WWC2: variants seen among roughly 807,000 people sequenced by gnomAD.
WWC2 encodes WW and C2 domain containing 2.
A neutral mutation model predicts 138.5 loss-of-function variants in WWC2; 101 were observed. That is an observed-to-expected ratio of 0.73 (90% CI 0.62 to 0.86). The LOEUF (loss-of-function observed/expected upper bound fraction) is 0.86, where lower values mean the gene tolerates loss of function less well. Among genes scored for constraint, WWC2 ranks in the 40% least tolerant of loss-of-function variants. The pLI is 0.00. For missense variants in WWC2, 1,420 were observed against 1,419.4 expected (o/e 1.00, Z -0.01); for synonymous variants, 558 against 538.4 (o/e 1.04, Z -0.50).
intron 1 of WWC2, among the ~76,000 whole-genome samples, chr4:183,141,332 T>C (rs1331728298): frequency 6.6e-6 from 1 of 152,138 alleles, no homozygotes; most frequent in African/African-American, 2.4e-5. Flanking sequence ...GGGGAGAGCG[T>C]CAGTTCTCCC....
At position 183,312,443 on chromosome 4, in the gene WWC2, G is replaced by T. The variant is rs763167733; in HGVS notation, c.3487G>T (p.Val1163Leu). The change falls in exon 22 of 23, where the codon GTG becomes TTG. Residue 1163 changes from valine to leucine, a missense_variant. Transcript: ENST00000403733. ...VCRLREQSQK[V>L]PRQVQSFREK... ...TCGGCTCCGGGAGCAGAGCCAGAAG[G>T]TGCCTCGGCAGGTGCAGTCCTTCAG... 8.7e-6 allele frequency: 14 copies of T among 1,613,832 alleles called. No individual in the cohort carries two copies. The South Asian group carries it at 1.5e-4, about 18-fold the overall frequency.
intron 21 of WWC2, among the ~76,000 whole-genome samples, chr4:183,305,791 A>G (rs138783986): frequency 3.9e-5 from 6 of 152,336 alleles, no homozygotes; most frequent in African/African-American, 1.4e-4. Context: ...GGAAAATGAT[A>G]TGTTAGCAAC....
chr4:183,171,849 GTTGAGGATTCAGC>G (rs999262425), intron 1 of WWC2, among the ~76,000 whole-genome samples: 4 of 152,180 alleles, frequency 2.6e-5, no homozygotes, highest in African/African-American at 9.7e-5. Context: ...TCCCGCCCTG[GTTGAGGATTCAGC>G]TTTCTTACTG....
intron 4 of WWC2, among the ~76,000 whole-genome samples, chr4:183,226,606 T>C (rs1212832144): frequency 6.6e-6 from 1 of 151,910 alleles, no homozygotes; most frequent in African/African-American, 2.4e-5. Context: ...CAATAATTAA[T>C]GAAAATTTTA....
chr4:183,257,137 G>A lies in WWC2; in HGVS notation c.1197-2502G>A, dbSNP rs1737177570. ...TAAACTCTGTGCTTTCCTATAGCTG[G>A]TAAGATCTTAACATTGCTCCTTGTT... On this transcript the variant is annotated intron_variant, in intron 9 of 22. Coordinates refer to ENST00000403733, the MANE Select transcript of WWC2 (RefSeq NM_024949.6). Among the ~76,000 whole-genome samples, 3 of 152,240 alleles carry A rather than the reference G, an allele frequency of 2.0e-5. 1 individual carries two copies. The South Asian group carries it at 6.2e-4, about 32-fold the overall frequency.
chr4:183,176,208 T>C (rs1428184043), intron 1 of WWC2, among the ~76,000 whole-genome samples: 2 of 152,214 alleles, frequency 1.3e-5, no homozygotes, highest in Non-Finnish European at 2.9e-5. Flanking sequence ...CCATGTAAGC[T>C]ATAAAAATTC....
chr4:183,145,641 GGAA>G (rs1244858205), intron 1 of WWC2, among the ~76,000 whole-genome samples: 4 of 152,134 alleles, frequency 2.6e-5, no homozygotes, highest in African/African-American at 4.8e-5. Context: ...AAATGCATAA[GGAA>G]GAAGAACTGT....
intron 1 of WWC2, among the ~76,000 whole-genome samples, chr4:183,108,236 G>A (rs1732105357): frequency 6.6e-6 from 1 of 152,030 alleles, no homozygotes; most frequent in Admixed American, 6.6e-5. Context: ...GACAAGCGCT[G>A]CCTCCATCAG....
intron 1 of WWC2, among the ~76,000 whole-genome samples, chr4:183,168,922 C>T (rs538296003): frequency 3.5e-4 from 53 of 152,122 alleles, no homozygotes; most frequent in African/African-American, 1.2e-3. Context: ...GATCTCGGCT[C>T]GCCACAACCT....
intron 1 of WWC2, among the ~76,000 whole-genome samples, chr4:183,108,442 G>A (rs533373902): frequency 2.6e-5 from 4 of 152,076 alleles, no homozygotes; most frequent in South Asian, 4.2e-4. Flanking sequence ...CCTCAAAACC[G>A]TCAAGATCCT....
intron 1 of WWC2, among the ~76,000 whole-genome samples, chr4:183,121,976 G>A (rs1032828423): frequency 2.6e-5 from 4 of 151,590 alleles, no homozygotes; most frequent in African/African-American, 4.8e-5. Flanking sequence ...TAGTAGAGAC[G>A]GGCTTTCACT....
intron 1 of WWC2, among the ~76,000 whole-genome samples, chr4:183,177,263 C>G (rs186716281): frequency 6.6e-6 from 1 of 152,072 alleles, no homozygotes; most frequent in African/African-American, 2.4e-5. Context: ...CCTTCTAGCT[C>G]GTATTACATT....
chr4:183,102,436 T>C (rs1743209387), intron 1 of WWC2, among the ~76,000 whole-genome samples: 1 of 152,190 alleles, frequency 6.6e-6, no homozygotes, highest in Admixed American at 6.5e-5. Context: ...ATTCTCCCGT[T>C]GGTCCTGTGA....
intron 9 of WWC2, among the ~76,000 whole-genome samples, chr4:183,256,991 G>A (rs939860229): frequency 1.3e-5 from 2 of 151,244 alleles, no homozygotes; most frequent in African/African-American, 4.9e-5. Flanking sequence ...GTGGGAAAGA[G>A]GTGCTCATGG....
In WWC2 at chr4:183,123,402, GGTGTGTGTGT is replaced by G. The variant is rs67158904; in HGVS notation, c.131+23803_131+23812del. ...GTTTAGAGAAACACAGCAAGTTTCA[GGTGTGTGTGT>G]GTGTGTGTGTGTGTGTGTGTGTATT... On this transcript the variant is annotated intron_variant, in intron 1 of 22. Coordinates refer to ENST00000403733, the MANE Select transcript of WWC2 (RefSeq NM_024949.6). Among the ~76,000 whole-genome samples, 794 of 147,706 alleles carry G rather than the reference GGTGTGTGTGT, an allele frequency of 5.4e-3. 4 individuals carry two copies. The highest frequency in any genetic ancestry group is 0.018 in the African/African-American group (740 of 40,250).
intron 16 of WWC2, among the ~76,000 whole-genome samples, chr4:183,275,312 C>T (rs1205538350): frequency 1.3e-5 from 2 of 151,584 alleles, no homozygotes; most frequent in Non-Finnish European, 2.9e-5. Context: ...TTTTTCTTGC[C>T]TATTTGCCCT....
rs541934167 is a variant in WWC2 at position 183,319,631 on chromosome 4, C to T, written c.*3902C>T. ...GTGTTTGTGCCACTGCGTAGTGGCC[C>T]GAAGCTAGGGGAGCGTGGCTGGAGC... On this transcript the variant is annotated 3_prime_UTR_variant, in exon 23 of 23. Coordinates refer to ENST00000403733, the MANE Select transcript of WWC2 (RefSeq NM_024949.6). 5.6e-6 allele frequency: 9 copies of T among 1,614,034 alleles called. No individual in the cohort carries two copies. Among genetic ancestry groups the T allele is most frequent in the African/African-American group, 4.0e-5 (3 of 74,980 alleles).
chr4:183,162,648 GTT>G (rs112902285), intron 1 of WWC2, among the ~76,000 whole-genome samples: 4,291 of 151,994 alleles, frequency 0.028, 214 homozygotes, highest in African/African-American at 0.099. Flanking sequence ...TTGACAGCTG[GTT>G]TTTTTGCAGG....
chr4:183,259,679 CT>C lies in WWC2; in HGVS notation c.1239del (p.Glu414LysfsTer6). ...GAGAAGAAAAGAGCTGCTACAGAAA[CT>C]TGAAGAAACTACTAAATTAACTACT... ...EERRKELLQK[L>X]EETTKLTTYL... On this transcript the variant is annotated frameshift_variant, in exon 10 of 23. Coordinates refer to ENST00000403733, the MANE Select transcript of WWC2 (RefSeq NM_024949.6). LOFTEE classifies it high-confidence loss of function. The C allele has an allele frequency of 6.5e-7, 1 of 1,546,586 alleles. No individual in the cohort carries two copies. Among genetic ancestry groups the C allele is most frequent in the South Asian group, 1.2e-5 (1 of 81,518 alleles).
Sources: allele counts gnomAD v4.1 joint callset (sites outside exome capture counted in the v4.1 genomes callset), GRCh38; gene constraint gnomAD v4.1.1; transcripts MANE v1.5; gene names NCBI Gene and HGNC (gene_info 2026-07-23, HGNC 2026-07-21).